The following RAVER2 variants were observed in gnomAD, a reference collection of about 807,000 sequenced individuals.
RAVER2 encodes ribonucleoprotein PTB-binding 2.
RAVER2 carries 46 observed loss-of-function variants against 78.1 expected under a neutral mutation model. That is an observed-to-expected ratio of 0.59 (90% confidence interval 0.46 to 0.75). The LOEUF (loss-of-function observed/expected upper bound fraction) is 0.75, where lower values mean the gene tolerates loss of function less well. RAVER2 is among the 30% of genes least tolerant of loss of function. The pLI, the probability that RAVER2 is intolerant of heterozygous loss-of-function variation, is 0.00. For missense variants in RAVER2, 793 were observed against 837.5 expected (o/e 0.95, Z 0.66); for synonymous variants, 311 against 313.3 (o/e 0.99, Z 0.08).
intron 2 of RAVER2, 65 bp from the exon 3 acceptor site, chr1:64,777,558 G>A: frequency 7.5e-7 from 1 of 1,330,972 alleles, no homozygotes; most frequent in Non-Finnish European, 1.0e-6. Flanking sequence ...ACAGAAGTAA[G>A]ATATATTTCT....
chr1:64,791,754 A>G (rs952175990), intron 5 of RAVER2, among the ~76,000 whole-genome samples: 1 of 152,190 alleles, frequency 6.6e-6, no homozygotes, highest in Non-Finnish European at 1.5e-5. Flanking sequence ...CCCTGGTTTG[A>G]CAGTTTCAGT....
At chr1:64,763,052 G>A (rs775656938) in intron 1 of RAVER2, among the ~76,000 whole-genome samples, 1 of 152,246 alleles carries the variant, frequency 6.6e-6, no homozygotes, top group Non-Finnish European at 1.5e-5. Flanking sequence ...GGTCACGCCT[G>A]TAATCCCAGC....
chr1:64,778,970 TA>T (rs1652550150), intron 3 of RAVER2, among the ~76,000 whole-genome samples: 1 of 147,646 alleles, frequency 6.8e-6, no homozygotes, highest in African/African-American at 2.5e-5. Flanking sequence ...TAAATAAATA[TA>T]TTATTTAATA....
At chr1:64,759,803 A>G (rs12739416) in intron 1 of RAVER2, among the ~76,000 whole-genome samples, 23 of 152,308 alleles carry the variant, frequency 1.5e-4, no homozygotes, top group Admixed American at 1.5e-3. Context: ...GGTGTAAGCC[A>G]CCGTGCCCGG....
chr1:64,807,232 A>G (rs1032460007), exon 9 of RAVER2: 8 of 1,614,054 alleles, frequency 5.0e-6, no homozygotes, highest in Admixed American at 3.3e-5. Context: ...AACTCAAACA[A>G]CGATAACAGC....
At chr1:64,757,860 C>T (rs1651896711) in intron 1 of RAVER2, among the ~76,000 whole-genome samples, 1 of 152,170 alleles carries the variant, frequency 6.6e-6, no homozygotes, top group Non-Finnish European at 1.5e-5. Context: ...CCAGTTTTCT[C>T]CCATTCTGTA....
chr1:64,770,182 C>G (rs965650071), intron 2 of RAVER2, among the ~76,000 whole-genome samples: 2 of 151,984 alleles, frequency 1.3e-5, no homozygotes, highest in Admixed American at 1.3e-4. Flanking sequence ...TTCTCCATAA[C>G]TGAAGCTCTG....
chr1:64,827,861 C>A (rs1259363005), intron 11 of RAVER2, among the ~76,000 whole-genome samples: 1 of 152,200 alleles, frequency 6.6e-6, no homozygotes, highest in African/African-American at 2.4e-5. Flanking sequence ...GCTTATTAAT[C>A]TTGCCATATT....
intron 3 of RAVER2, among the ~76,000 whole-genome samples, chr1:64,778,832 C>T (rs1652546132): frequency 1.3e-5 from 2 of 149,418 alleles, no homozygotes; most frequent in African/African-American, 2.4e-5. Flanking sequence ...TTCCCATCCA[C>T]GCTCCTTTTC....
intron 11 of RAVER2, chr1:64,816,147 TATTTC>T (rs939333912): frequency 3.3e-5 from 5 of 152,184 alleles, no homozygotes; most frequent in Non-Finnish European, 7.3e-5. Context: ...TTTGAACTTT[TATTTC>T]TTTTTAAATT....
At chr1:64,764,181 T>C (rs1441892916) in intron 1 of RAVER2, among the ~76,000 whole-genome samples, 1 of 152,244 alleles carries the variant, frequency 6.6e-6, no homozygotes, top group East Asian at 1.9e-4. Flanking sequence ...GACAGTATAA[T>C]ATTAGCACAG....
chr1:64,760,251 A>G (rs1339275208), intron 1 of RAVER2, among the ~76,000 whole-genome samples: 1 of 152,224 alleles, frequency 6.6e-6, no homozygotes, highest in Admixed American at 6.5e-5. Context: ...GTTATTGGGC[A>G]GCCCTGTGTT....
At chr1:64,811,772 G>T (rs1391295713) in intron 9 of RAVER2, among the ~76,000 whole-genome samples, 2 of 152,290 alleles carry the variant, frequency 1.3e-5, no homozygotes, top group African/African-American at 4.8e-5. Context: ...AAGTTTTTGG[G>T]TAGACAAGGG....
At chr1:64,802,842 T>G in intron 5 of RAVER2, 134 bp from the exon 6 acceptor site, 1 of 515,204 alleles carries the variant, frequency 1.9e-6, no homozygotes, top group Non-Finnish European at 3.5e-6. Flanking sequence ...AATGACAAGG[T>G]CACTATATCA....
chr1:64,818,408 C>T (rs58324248), intron 11 of RAVER2, among the ~76,000 whole-genome samples: 3,516 of 152,050 alleles, frequency 0.023, 160 homozygotes, highest in African/African-American at 0.081. Context: ...TGGTGGTGGG[C>T]GCCTGTAGTC....
chr1:64,813,569 T>G (rs1243146929), intron 10 of RAVER2, among the ~76,000 whole-genome samples: 1 of 152,168 alleles, frequency 6.6e-6, no homozygotes, highest in African/African-American at 2.4e-5. Flanking sequence ...AATTCTAAAC[T>G]ATTACCTCTG....
rs113075956 is a variant in RAVER2, at chr1:64,791,704, T to C, written c.1105+2190T>C. On this transcript the variant is annotated intron_variant, in intron 5 of 11. Transcript: ENST00000294428. ...GATACTCTTTTTTGTCTTGACAACATGAAGGATTAGAAGCTCATTACTTCC... is the reference window on the plus strand; with the variant it reads ...GATACTCTTTTTTGTCTTGACAACACGAAGGATTAGAAGCTCATTACTTCC... Among the ~76,000 whole-genome samples the C allele has an allele frequency of 4.4e-3, 671 of 152,362 alleles. 10 individuals are homozygous for C. Among genetic ancestry groups the C allele is most frequent in the African/African-American group, 0.015 (643 of 41,582 alleles).
At chr1:64,791,861 C>A (rs1235476734) in intron 5 of RAVER2, among the ~76,000 whole-genome samples, 1 of 152,142 alleles carries the variant, frequency 6.6e-6, no homozygotes. Flanking sequence ...TTCCTTCTTG[C>A]ATAATAAAAG....
intron 2 of RAVER2, among the ~76,000 whole-genome samples, chr1:64,775,633 T>TA (rs1652439837): frequency 1.3e-5 from 2 of 152,188 alleles, no homozygotes; most frequent in South Asian, 2.1e-4. Context: ...AGTACTACCT[T>TA]ACAGCTGTGA....
Sources: allele counts gnomAD v4.1 joint callset (sites outside exome capture counted in the v4.1 genomes callset), GRCh38; gene constraint gnomAD v4.1.1; transcripts MANE v1.5; gene names NCBI Gene and HGNC (gene_info 2026-07-23, HGNC 2026-07-21).